AAGAB: variants seen among roughly 807,000 people sequenced by gnomAD.
The protein encoded by AAGAB is alpha- and gamma-adaptin-binding protein p34.
Under a neutral mutation model 44.1 loss-of-function variants are expected in AAGAB, and 38 were observed. The ratio of observed to expected loss-of-function variants is 0.86; its 90% CI spans 0.67 to 1.13. The LOEUF is 1.13. Among genes scored for constraint, AAGAB ranks in the 50% most tolerant of loss-of-function variants. The pLI is 0.00. For missense variants in AAGAB, 450 were observed against 373.8 expected, an observed-to-expected ratio of 1.20 and a Z score of -1.68; for synonymous variants, 131 against 131.8, an observed-to-expected ratio of 0.99 and a Z score of 0.04.
At chr15:67,208,870 C>T (rs548609122) in intron 6 of AAGAB, among the ~76,000 whole-genome samples, 24 of 152,244 alleles carry the variant, frequency 1.6e-4, no homozygotes, top group African/African-American at 5.3e-4. Context: ...AACTAGAAAG[C>T]GTTGATTTTG....
intron 1 of AAGAB, chr15:67,242,975 T>C (rs188582673): frequency 2.6e-5 from 4 of 152,332 alleles, no homozygotes; most frequent in Non-Finnish European, 1.5e-5. Context: ...GGTTACACTC[T>C]AAATTCGCAT....
At chr15:67,238,937 C>T (rs537534599) in intron 1 of AAGAB, among the ~76,000 whole-genome samples, 4 of 152,250 alleles carry the variant, frequency 2.6e-5, no homozygotes, top group South Asian at 2.1e-4. Context: ...CCTCGTGATC[C>T]GCCCGCCTCG....
rs544880467 is a variant in AAGAB at position 67,208,110 on chromosome 15, T to C, written c.715+452A>G. Among the ~76,000 whole-genome samples, 6 of 152,212 alleles carry C rather than the reference T, an allele frequency of 3.9e-5. No homozygotes were observed. The East Asian group carries it at 1.2e-3, about 29-fold the overall frequency. On this transcript the variant is annotated intron_variant, in intron 7 of 9. Coordinates refer to ENST00000261880, the MANE Select transcript of AAGAB (RefSeq NM_024666.5). ...CCAGGCCCTTCTTGCTAGATGTCCT[T>C]GGACAAGTTATTAAACTTCTCTGCA...
chr15:67,245,178 A>T (rs1336977402), intron 1 of AAGAB, among the ~76,000 whole-genome samples: 1 of 152,212 alleles, frequency 6.6e-6, no homozygotes, highest in African/African-American at 2.4e-5. Flanking sequence ...AGAGAAATGA[A>T]AACAGATGTC....
chr15:67,213,077 G>T (rs1335667060), intron 5 of AAGAB, among the ~76,000 whole-genome samples: 1 of 152,194 alleles, frequency 6.6e-6, no homozygotes, highest in Non-Finnish European at 1.5e-5. Context: ...TGGAACTTCA[G>T]GGATGCAGAA....
intron 5 of AAGAB, among the ~76,000 whole-genome samples, chr15:67,222,283 C>CGGT (rs1964101476): frequency 8.5e-6 from 1 of 117,570 alleles, no homozygotes; most frequent in Admixed American, 1.0e-4. Flanking sequence ...CACACACACA[C>CGGT]CCTCCACCCA....
chr15:67,236,160 C>T, intron 3 of AAGAB, 92 bp from the exon 4 acceptor site: 2 of 1,053,564 alleles, frequency 1.9e-6, no homozygotes, highest in Non-Finnish European at 2.8e-6. Flanking sequence ...AATGTGTTTC[C>T]CTTAATGTCA....
chr15:67,236,379 C>A (rs775172947), intron 3 of AAGAB, 29 bp downstream of exon 3: 2 of 1,591,096 alleles, frequency 1.3e-6, no homozygotes, highest in African/African-American at 1.3e-5. Flanking sequence ...AATGCATGTA[C>A]CAACTACTGT....
intron 7 of AAGAB, among the ~76,000 whole-genome samples, chr15:67,206,995 A>C (rs1237699067): frequency 1.3e-5 from 2 of 152,194 alleles, no homozygotes; most frequent in Non-Finnish European, 2.9e-5. Context: ...CAGCCTGACC[A>C]ACACGCAGAA....
Position 67,236,047 on chromosome 15 carries a change from T to G in AAGAB, c.383A>C (p.Gln128Pro). The change falls in exon 4 of 10, where the codon CAA becomes CCA. Residue 128 changes from glutamine to proline, a missense_variant. Gln to Pro is a moderately conservative substitution (Grantham distance 76, BLOSUM62 -1). Transcript: ENST00000261880. The stretch of plus-strand genomic sequence containing the variant: ...AAAGCCATGTTTGATGCACCATTCT[T>G]GAGCTTTTTGTCGGTTTATACCTAA... ...SEDGINRQKAQEWCIKHGFEL... is the reference protein window; with the variant it reads ...SEDGINRQKAPEWCIKHGFEL... The G allele has an allele frequency of 6.2e-7, 1 of 1,613,100 alleles. No homozygotes were observed. The highest frequency in any genetic ancestry group is 8.5e-7 in the Non-Finnish European group (1 of 1,179,408).
rs1266071749 is a variant in AAGAB, at chr15:67,231,813, C to T, written c.535+1G>A. On this transcript the variant is annotated splice_donor_variant, in intron 5 of 9. Coordinates refer to ENST00000261880, the MANE Select transcript of AAGAB (RefSeq NM_024666.5). LOFTEE classifies it high-confidence loss of function. ...AATGACTTGAGTCCCAAGTTACTTACCATTCTTCATCACTACATTGGACCA... is the reference window on the plus strand; with the variant it reads ...AATGACTTGAGTCCCAAGTTACTTATCATTCTTCATCACTACATTGGACCA... 4 of 1,608,208 alleles carry T rather than the reference C, an allele frequency of 2.5e-6. No homozygotes were observed. The highest frequency in any genetic ancestry group is 3.4e-6 in the Non-Finnish European group (4 of 1,175,044).
At position 67,236,798 on chromosome 15, in the gene AAGAB, A is replaced by G; in HGVS notation, c.96T>C (p.Leu32=). The part of the protein sequence containing the change: ...LVQHILGTED[L]IVEVTSNDAV... ...CATCATTGGAAGTCACTTCCACAATAAGATCTTCTGTTCCAAGGATATCTA... is the reference window on the plus strand; with the variant it reads ...CATCATTGGAAGTCACTTCCACAATGAGATCTTCTGTTCCAAGGATATCTA... The change falls in exon 2 of 10, where the codon CTT becomes CTC. Residue 32 remains leucine, a synonymous_variant. Transcript: ENST00000261880. The G allele has an allele frequency of 6.2e-7, 1 of 1,611,136 alleles. No homozygotes were observed. Among genetic ancestry groups the G allele is most frequent in the Non-Finnish European group, 8.5e-7 (1 of 1,178,842 alleles).
At chr15:67,216,469 C>G (rs1331350406) in intron 5 of AAGAB, among the ~76,000 whole-genome samples, 11 of 70,964 alleles carry the variant, frequency 1.6e-4, no homozygotes, top group African/African-American at 2.6e-4. Context: ...AAAAAAAAAA[C>G]AAGAAGAAAA....
At chr15:67,208,749 G>A in intron 6 of AAGAB, 91 bp from the exon 7 acceptor site, 1 of 1,143,258 alleles carries the variant, frequency 8.7e-7, no homozygotes, top group East Asian at 2.4e-5. Context: ...TCCTTGGTTG[G>A]CTTGAGAAAA....
At position 67,218,035 on chromosome 15, in the gene AAGAB, T is replaced by G. The variant is rs1203136025; in HGVS notation, c.536-8491A>C. On this transcript the variant is annotated intron_variant, in intron 5 of 9. Transcript: ENST00000261880. Reference sequence around the variant, plus strand: ...ATTGTTTCTACTATTAAGATTCCACTAATCCTCCTCCATCTGCATTACTGG... The same window carrying G: ...ATTGTTTCTACTATTAAGATTCCACGAATCCTCCTCCATCTGCATTACTGG... Among the ~76,000 whole-genome samples, 5 of 152,246 alleles carry G rather than the reference T, an allele frequency of 3.3e-5. No individual in the cohort carries two copies. In the East Asian group the frequency reaches 9.6e-4, roughly 29 times the overall value.
chr15:67,254,763 A>C (rs1965044894), upstream of AAGAB: 1 of 1,322,754 alleles, frequency 7.6e-7, no homozygotes, highest in African/African-American at 1.5e-5. Flanking sequence ...CCCCGCCCCT[A>C]GACCCCCTTC....
chr15:67,207,930 T>C (rs184569923), intron 7 of AAGAB, among the ~76,000 whole-genome samples: 17 of 152,024 alleles, frequency 1.1e-4, no homozygotes, highest in African/African-American at 3.6e-4. Flanking sequence ...GAAAAAAGAG[T>C]TTTAAAAATT....
At chr15:67,217,257 C>G (rs944230004) in intron 5 of AAGAB, among the ~76,000 whole-genome samples, 3 of 152,132 alleles carry the variant, frequency 2.0e-5, no homozygotes, top group African/African-American at 7.2e-5. Flanking sequence ...TCTACATTAT[C>G]CTAGAGTTCT....
intron 1 of AAGAB, 170 bp downstream of exon 1, chr15:67,254,389 G>A (rs1965010186): frequency 2.1e-6 from 3 of 1,400,246 alleles, no homozygotes; most frequent in East Asian, 2.6e-5. Flanking sequence ...AGAAAAGCAC[G>A]AGATTAAGAG....
Sources: gnomAD v4.1 joint callset for allele counts (sites outside exome capture counted in the v4.1 genomes callset) on GRCh38, gnomAD v4.1.1 for gene constraint, MANE v1.5 for transcripts, NCBI Gene and HGNC (gene_info 2026-07-23, HGNC 2026-07-21) for gene names.